UPP2: variants seen among roughly 807,000 people sequenced by gnomAD.
The protein encoded by UPP2 is UPase 2.
Under a neutral mutation model 26.7 loss-of-function variants are expected in UPP2, and 23 were observed. The ratio of observed to expected loss-of-function variants is 0.86; its 90% CI spans 0.62 to 1.22. UPP2 has a LOEUF of 1.22. UPP2 is among the 50% of genes most tolerant of loss of function. The pLI, the probability that UPP2 is intolerant of heterozygous loss-of-function variation, is 0.00. For missense variants in UPP2, 387 were observed against 396.7 expected (o/e 0.98, Z 0.21); for synonymous variants, 127 against 141.3 (o/e 0.90, Z 0.72).
intron 3 of UPP2, among the ~76,000 whole-genome samples, chr2:158,059,988 G>A (rs931277570): frequency 3.3e-5 from 5 of 152,028 alleles, no homozygotes; most frequent in African/African-American, 1.2e-4. Context: ...CATCATAGAT[G>A]GTGAATAACT....
At chr2:158,040,366 A>G (rs1684067213) in intron 3 of UPP2, among the ~76,000 whole-genome samples, 1 of 152,218 alleles carries the variant, frequency 6.6e-6, no homozygotes, top group African/African-American at 2.4e-5. Context: ...TTTTGTTCAT[A>G]CATCTAGCAT....
rs370517744 is a variant in UPP2 at position 158,000,323 on chromosome 2, C to A, written c.61+5064C>A. ...GCCCAGCTGAAGAATCTCTGCAAGG[C>A]AGCCTTAATCTACTTACAGGGTTTT... On this transcript the variant is annotated intron_variant, in intron 2 of 9. Transcript: ENST00000605860. Among the ~76,000 whole-genome samples the A allele has an allele frequency of 7.9e-5, 12 of 152,294 alleles. No homozygotes were observed. In the East Asian group the frequency reaches 1.2e-3, roughly 15 times the overall value.
chr2:158,015,924 A>G (rs1483928173), intron 3 of UPP2: 4 of 411,096 alleles, frequency 9.7e-6, no homozygotes, highest in African/African-American at 8.2e-5. Flanking sequence ...TAAATTACCC[A>G]GTCTCAGGTA....
At chr2:158,119,451 C>T (rs970738578) in intron 4 of UPP2, among the ~76,000 whole-genome samples, 1 of 151,926 alleles carries the variant, frequency 6.6e-6, no homozygotes, top group Non-Finnish European at 1.5e-5. Context: ...AGCAGTATTG[C>T]GTTTGGAGAT....
chr2:158,076,633 A>C (rs1042132938), intron 3 of UPP2, among the ~76,000 whole-genome samples: 1 of 152,082 alleles, frequency 6.6e-6, no homozygotes, highest in African/African-American at 2.4e-5. Flanking sequence ...TTTATGATAA[A>C]AATTCTCAAA....
At chr2:158,045,835 C>G (rs890298828) in intron 3 of UPP2, among the ~76,000 whole-genome samples, 6 of 152,118 alleles carry the variant, frequency 3.9e-5, no homozygotes, top group Non-Finnish European at 7.4e-5. Flanking sequence ...ACCCAAGCTA[C>G]GAGAGGCTAG....
At chr2:158,033,298 C>G (rs182330599) in intron 3 of UPP2, among the ~76,000 whole-genome samples, 3 of 152,302 alleles carry the variant, frequency 2.0e-5, no homozygotes, top group Non-Finnish European at 2.9e-5. Context: ...GGAGGTCTCT[C>G]TGCCACACTA....
At chr2:158,065,978 A>G in intron 3 of UPP2, 1 of 419,562 alleles carries the variant, frequency 2.4e-6, no homozygotes, top group Non-Finnish European at 4.4e-6. Context: ...ACAGCAAGTT[A>G]ACTTTTGTAT....
rs575190084 is a variant in UPP2 at position 158,015,274 on chromosome 2, A to G, written c.62-527A>G. 2.6e-5 allele frequency among the ~76,000 whole-genome samples: 4 copies of G among 152,198 alleles called. No homozygotes were observed. In the South Asian group the frequency reaches 8.3e-4, roughly 32 times the overall value. ...CCCAGCTCTTGGCAGCCACCACTCT[A>G]CTTTCTGTTTCTATGAATTTAACTA... On this transcript the variant is annotated intron_variant, in intron 2 of 9. Coordinates refer to the UPP2 transcript ENST00000605860.
chr2:158,081,184 A>G (rs1682718179), intron 3 of UPP2, among the ~76,000 whole-genome samples: 1 of 151,896 alleles, frequency 6.6e-6, no homozygotes, highest in Admixed American at 6.6e-5. Flanking sequence ...AAACAGGACC[A>G]TTAGTCCAAA....
At chr2:158,049,510 G>A (rs1332696311) in intron 3 of UPP2, among the ~76,000 whole-genome samples, 1 of 152,168 alleles carries the variant, frequency 6.6e-6, no homozygotes, top group Non-Finnish European at 1.5e-5. Context: ...CTGTAGCCCA[G>A]CATTTATTAG....
In UPP2 at chr2:158,029,126, T is replaced by G. The variant is rs1574252896; in HGVS notation, c.147+13240T>G. ...TTTTGCCTTAAACAAGACATCATTGTAAGTCTGAATGGTTCAATGGTAAAG... is the reference window on the plus strand; with the variant it reads ...TTTTGCCTTAAACAAGACATCATTGGAAGTCTGAATGGTTCAATGGTAAAG... On this transcript the variant is annotated intron_variant, in intron 3 of 9. Transcript: ENST00000605860. 2.6e-5 allele frequency among the ~76,000 whole-genome samples: 4 copies of G among 152,360 alleles called. No individual in the cohort carries two copies. The East Asian group carries it at 7.7e-4, about 29-fold the overall frequency.
At chr2:158,088,338 A>G (rs1014923448) in intron 3 of UPP2, among the ~76,000 whole-genome samples, 2 of 151,976 alleles carry the variant, frequency 1.3e-5, no homozygotes, top group Non-Finnish European at 2.9e-5. Flanking sequence ...AGAAGTAGTG[A>G]TTGTTTTTTA....
chr2:158,110,743 AT>A (rs1232234365), intron 2 of UPP2, among the ~76,000 whole-genome samples: 1 of 151,972 alleles, frequency 6.6e-6, no homozygotes, highest in Non-Finnish European at 1.5e-5. Flanking sequence ...TGTGGTTTTG[AT>A]TTGCATTTCT....
intron 2 of UPP2, among the ~76,000 whole-genome samples, chr2:158,108,257 A>G (rs2105216263): frequency 6.6e-6 from 1 of 152,284 alleles, no homozygotes; most frequent in Middle Eastern, 3.4e-3. Context: ...CCCCACAGCA[A>G]CTATAGTTAT....
intron 5 of UPP2, among the ~76,000 whole-genome samples, chr2:158,122,821 C>T (rs1683599861): frequency 6.6e-6 from 1 of 152,166 alleles, no homozygotes. Context: ...CTCGCATCGA[C>T]ATTACCTGCT....
At chr2:158,130,732 T>C (rs907889894) in intron 6 of UPP2, among the ~76,000 whole-genome samples, 3 of 152,078 alleles carry the variant, frequency 2.0e-5, no homozygotes, top group Non-Finnish European at 4.4e-5. Context: ...AAAGATAGAG[T>C]TTAAAGTCTT....
At chr2:158,086,696 T>G (rs1682823340) in intron 3 of UPP2, among the ~76,000 whole-genome samples, 1 of 152,156 alleles carries the variant, frequency 6.6e-6, no homozygotes, top group Non-Finnish European at 1.5e-5. Context: ...GTGTCACTAT[T>G]ATCTTTCAGT....
chr2:158,017,405 A>C lies in UPP2; in HGVS notation c.147+1519A>C, dbSNP rs189945984. 2.3e-3 allele frequency among the ~76,000 whole-genome samples: 343 copies of C among 151,936 alleles called. 1 individual carries two copies. The highest frequency in any genetic ancestry group is 3.4e-3 in the Middle Eastern group (1 of 294). ...ATACAGAAGTCATCTTAGTACTTAT[A>C]TCTCTCCTGGAAGGAAGCAGCAGCA... is the stretch of plus-strand genomic sequence containing the variant. On this transcript the variant is annotated intron_variant, in intron 3 of 9. Transcript: ENST00000605860.
Sources: gnomAD v4.1 joint callset for allele counts (sites outside exome capture counted in the v4.1 genomes callset) on GRCh38, gnomAD v4.1.1 for gene constraint, MANE v1.5 for transcripts, NCBI Gene and HGNC (gene_info 2026-07-23, HGNC 2026-07-21) for gene names.